Variants in GSN observed in about 807,000 individuals in gnomAD.
GSN encodes actin-depolymerizing factor.
A neutral mutation model predicts 85.7 loss-of-function variants in GSN; 56 were observed. The ratio of observed to expected loss-of-function variants is 0.65; its 90% confidence interval spans 0.53 to 0.82. The LOEUF (loss-of-function observed/expected upper bound fraction) is 0.82, where lower values mean the gene tolerates loss of function less well. Ranked by LOEUF, GSN falls within the 40% of genes least tolerant of loss-of-function variation. The probability of loss-of-function intolerance (pLI) is 0.00; values close to 1 mark genes in which losing one functional copy is unlikely to be tolerated. For synonymous variants in GSN, 373 were observed against 399.1 expected (o/e 0.93, Z 0.78); for missense variants, 857 against 979.8 (o/e 0.87, Z 1.67).
rs1004516664 is a variant in GSN, at chr9:121,299,782, G to A, written c.-9-2181G>A. On this transcript the variant is annotated intron_variant, in intron 2 of 17. Transcript: ENST00000432226. This position sits in a 1 kb window ranked among gnomAD's most constrained non-coding sequence, Gnocchi z 4.2. ...CCCTGGGGGGCGGTCCCCGGCTTGG[G>A]CGGGATGGGCGGGCGGCTACTTAAG... The A allele has an allele frequency of 4.0e-5, 49 of 1,230,706 alleles. No homozygotes were observed. The highest frequency in any genetic ancestry group is 4.6e-5 in the Non-Finnish European group (45 of 979,538). 76.2% of individuals were successfully genotyped at this position (1,230,706 alleles called of 1,614,324 possible).
intron 4 of GSN, among the ~76,000 whole-genome samples, chr9:121,307,055 C>T (rs1350422299): frequency 6.6e-6 from 1 of 152,092 alleles, no homozygotes; most frequent in Non-Finnish European, 1.5e-5. Context: ...GTGGCGGGTG[C>T]CCGTAATCTC....
chr9:121,273,038 A>T (rs550934822), intron 1 of GSN, among the ~76,000 whole-genome samples: 1 of 152,136 alleles, frequency 6.6e-6, no homozygotes, highest in East Asian at 1.9e-4. Context: ...CACCTCTTGC[A>T]TTCAGTGCCT....
At chr9:121,306,232 C>T (rs1028382230) in intron 4 of GSN, among the ~76,000 whole-genome samples, 6 of 152,208 alleles carry the variant, frequency 3.9e-5, no homozygotes, top group African/African-American at 1.4e-4. Context: ...ATTGGGAACC[C>T]ATAGAATCAC....
chr9:121,313,073 G>C (rs2061352792), intron 6 of GSN: 1 of 154,406 alleles, frequency 6.5e-6, no homozygotes, highest in Admixed American at 6.4e-5. Context: ...ATTCTCCAGT[G>C]GGGAGGGCCA....
Position 121,329,060 on chromosome 9 carries a change from C to A in GSN, c.1887+45C>A, listed in dbSNP as rs150069261. ...ACACCTCTGCTTTCCCCTCGGGAGG[C>A]GAGTTCCACAGGACTGGCCGGCAGC... On this transcript the variant is annotated intron_variant, in intron 15 of 17. Transcript: ENST00000432226. The surrounding 1 kb of genome is among the most constrained non-coding windows in gnomAD (Gnocchi z 4.6). The A allele has an allele frequency of 2.7e-5, 44 of 1,608,354 alleles. No individual in the cohort carries two copies. Among genetic ancestry groups the A allele is most frequent in the Non-Finnish European group, 3.7e-5 (44 of 1,177,780 alleles).
chr9:121,312,466 C>A lies in GSN; in HGVS notation c.641C>A (p.Thr214Asn), dbSNP rs1304879848. The change falls in exon 6 of 18, where the codon ACT (threonine) becomes AAT (asparagine). Residue 214 changes from threonine to asparagine, a missense_variant. Physicochemically the swap from Thr to Asn is moderately conservative, Grantham distance 65. Transcript: ENST00000432226. ...RARVHVSEEG[T>N]EPEAMLQVLG... ...CGAGTGCACGTGTCTGAGGAGGGCACTGAGCCCGAGGCGATGCTCCAGGTG... is the reference window on the plus strand; with the variant it reads ...CGAGTGCACGTGTCTGAGGAGGGCAATGAGCCCGAGGCGATGCTCCAGGTG... The A allele has an allele frequency of 1.2e-6, 2 of 1,613,380 alleles. No homozygotes were observed. Among genetic ancestry groups the A allele is most frequent in the South Asian group, 1.1e-5 (1 of 91,054 alleles).
intron 4 of GSN, chr9:121,223,010 C>G (rs1026537771): frequency 1.3e-5 from 2 of 152,136 alleles, no homozygotes; most frequent in South Asian, 4.1e-4. Flanking sequence ...GAGAGGGGCG[C>G]ATGTGCAGTG....
Position 121,300,062 on chromosome 9 carries a change from C to T in GSN, c.-9-1901C>T. Reference sequence around the variant, plus strand: ...AGTAACTCTCTATTGTAAGTTCTTGCAGATACAGCGCTAGGAAAAGGGGAG... The same window carrying T: ...AGTAACTCTCTATTGTAAGTTCTTGTAGATACAGCGCTAGGAAAAGGGGAG... On this transcript the variant is annotated intron_variant, in intron 2 of 17. Transcript: ENST00000432226. The T allele has an allele frequency of 6.2e-7, 1 of 1,606,640 alleles. No individual in the cohort carries two copies. The highest frequency in any genetic ancestry group is 2.2e-5 in the East Asian group (1 of 44,470).
rs1257832427 is a variant in GSN, at chr9:121,317,182, G to T, written c.850G>T (p.Asp284Tyr). 1 of 1,614,086 alleles carries T rather than the reference G, an allele frequency of 6.2e-7. No homozygotes were observed. The highest frequency in any genetic ancestry group is 1.7e-5 in the Admixed American group (1 of 60,006). Residue 284 changes from aspartate (D) to tyrosine (Y), a missense_variant, in exon 8 of 18, where the codon GAC becomes TAC. By Grantham distance (160) the Asp-to-Tyr change is radical (BLOSUM62 -3). Transcript: ENST00000432226. ...ALKSEDCFIL[D>Y]HGKDGKIFVW... is the part of the protein sequence containing the mutation. ...GAAGTCAGAGGACTGCTTCATCCTG[G>T]ACCACGGCAAAGATGGGAAAATCTT...
upstream of GSN, among the ~76,000 whole-genome samples, chr9:121,267,712 T>C (rs2055284435): frequency 6.6e-6 from 1 of 152,134 alleles, no homozygotes; most frequent in Non-Finnish European, 1.5e-5. Context: ...TGGGAGGGAA[T>C]CTCCCCTGCT....
At chr9:121,253,844 T>C (rs1393245696) in intron 6 of GSN, among the ~76,000 whole-genome samples, 1 of 152,194 alleles carries the variant, frequency 6.6e-6, no homozygotes, top group Non-Finnish European at 1.5e-5. Context: ...CATTCACCTG[T>C]CTCCACTGAG....
At chr9:121,237,085 A>G (rs1316101784) in intron 5 of GSN, among the ~76,000 whole-genome samples, 1 of 152,234 alleles carries the variant, frequency 6.6e-6, no homozygotes, top group African/African-American at 2.4e-5. Flanking sequence ...AGGTCACCAA[A>G]GACAAGGCTT....
At chr9:121,207,519 A>G (rs79890599), upstream of GSN, among the ~76,000 whole-genome samples, 3,559 of 152,324 alleles carry the variant, frequency 0.023, 52 homozygotes, top group South Asian at 0.044. Flanking sequence ...ACATCCTTGA[A>G]AAGACAGTCT....
chr9:121,321,411 T>C lies in GSN; in HGVS notation c.1325+10T>C. 1 of 1,612,864 alleles carries C rather than the reference T, an allele frequency of 6.2e-7. No individual in the cohort carries two copies. The highest frequency in any genetic ancestry group is 8.5e-7 in the Non-Finnish European group (1 of 1,178,964). On this transcript the variant is annotated intron_variant, in intron 11 of 17. Transcript: ENST00000432226. ...AGATAATCTATAACTGGTGAGGTTC[T>C]GGGGCCATTGGTGTGTGTCGTGGGG...
intron 6 of GSN, chr9:121,313,593 C>A: frequency 2.7e-6 from 1 of 370,826 alleles, no homozygotes; most frequent in Non-Finnish European, 5.2e-6. Context: ...GGCCTGGCTG[C>A]GAGGATGCAG....
At chr9:121,281,801 G>A (rs908251816) in intron 2 of GSN, 18 of 471,118 alleles carry the variant, frequency 3.8e-5, no homozygotes, top group Admixed American at 3.1e-4. Context: ...CTCGGTGCCC[G>A]GATGCCTGGC....
intron 4 of GSN, among the ~76,000 whole-genome samples, chr9:121,226,004 C>T (rs941539007): frequency 2.1e-4 from 32 of 152,240 alleles, no homozygotes; most frequent in African/African-American, 7.0e-4. Flanking sequence ...GGGGTTTCAC[C>T]GTATTGGCCA....
At chr9:121,278,343 C>T (rs555041761) in intron 1 of GSN, among the ~76,000 whole-genome samples, 13 of 152,250 alleles carry the variant, frequency 8.5e-5, no homozygotes, top group African/African-American at 2.4e-4. Flanking sequence ...GCCATTTGAA[C>T]GCTTATGGCA....
intron 12 of GSN, 86 bp from the exon 13 acceptor site, chr9:121,326,426 C>T (rs1160783777): frequency 4.6e-6 from 5 of 1,075,338 alleles, no homozygotes; most frequent in Admixed American, 3.6e-5. Flanking sequence ...ATGATGGCTT[C>T]GTCTGGAGGG....
Sources: allele counts gnomAD v4.1 joint callset (sites outside exome capture counted in the v4.1 genomes callset), GRCh38; gene constraint gnomAD v4.1.1; non-coding constraint Gnocchi (gnomAD v3.1); transcripts MANE v1.5; gene names NCBI Gene and HGNC (gene_info 2026-07-23, HGNC 2026-07-21).